PCTP: variants seen among roughly 807,000 people sequenced by gnomAD.
The protein encoded by PCTP is START domain-containing protein 2.
In PCTP, 27 loss-of-function variants were observed where a neutral mutation model predicts 31.0. That is an observed-to-expected ratio of 0.87 (90% CI 0.64 to 1.20). The LOEUF (loss-of-function observed/expected upper bound fraction) is 1.20, where lower values mean the gene tolerates loss of function less well. Among genes scored for constraint, PCTP ranks in the 50% most tolerant of loss-of-function variants. The pLI is 0.00. For missense variants in PCTP, 287 were observed against 268.2 expected (o/e 1.07, Z -0.49); for synonymous variants, 108 against 101.2 (o/e 1.07, Z -0.40).
chr17:55,756,404 GTCCAGAAAGGCCC>G (rs1910018353), intron 1 of PCTP, among the ~76,000 whole-genome samples: 1 of 152,212 alleles, frequency 6.6e-6, no homozygotes, highest in Admixed American at 6.5e-5. Context: ...AGATAAGGGA[GTCCAGAAAGGCCC>G]TCTGTGGAAG....
chr17:55,839,134 C>T (rs946550019), intron 5 of PCTP, among the ~76,000 whole-genome samples: 1 of 152,200 alleles, frequency 6.6e-6, no homozygotes, highest in Non-Finnish European at 1.5e-5. Context: ...TTTTAATCCT[C>T]TAGTAAAGAG....
downstream of PCTP, chr17:55,777,493 T>C (rs1911397207): frequency 7.5e-6 from 6 of 795,360 alleles, no homozygotes; most frequent in Non-Finnish European, 9.1e-6. Context: ...TAAAACATAA[T>C]TTTGGGCTTA....
chr17:55,779,003 C>G (rs1233108611), downstream of PCTP, among the ~76,000 whole-genome samples: 2 of 152,162 alleles, frequency 1.3e-5, no homozygotes, highest in Non-Finnish European at 2.9e-5. Context: ...ATCTATAATG[C>G]CTGCCCTTCC....
At chr17:55,813,578 G>T (rs1912822723) in intron 3 of PCTP, among the ~76,000 whole-genome samples, 1 of 152,190 alleles carries the variant, frequency 6.6e-6, no homozygotes, top group South Asian at 2.1e-4. Flanking sequence ...GCCTCCCAAG[G>T]TGCTGGGATT....
chr17:55,848,068 G>A, the PCTP span, among the ~76,000 whole-genome samples: 1 of 152,058 alleles, frequency 6.6e-6, no homozygotes, highest in African/African-American at 2.4e-5. Flanking sequence ...GACTACAGGT[G>A]CATGCCACCA....
At chr17:55,778,815 T>C (rs1347897388), downstream of PCTP, among the ~76,000 whole-genome samples, 1 of 152,216 alleles carries the variant, frequency 6.6e-6, no homozygotes, top group Non-Finnish European at 1.5e-5. Context: ...GTAGCACTAC[T>C]GTTGGTGGTA....
chr17:55,774,329 G>A (rs1366623403), intron 4 of PCTP, among the ~76,000 whole-genome samples: 1 of 152,152 alleles, frequency 6.6e-6, no homozygotes, highest in African/African-American at 2.4e-5. Flanking sequence ...CAGCCCCCAG[G>A]GAGGAAAGCT....
At chr17:55,773,252 A>C (rs1428051348) in intron 3 of PCTP, among the ~76,000 whole-genome samples, 2 of 152,192 alleles carry the variant, frequency 1.3e-5, no homozygotes, top group African/African-American at 4.8e-5. Context: ...GCCAGAACAA[A>C]GAGGAATGAC....
At chr17:55,821,665 T>C (rs1369192630) in intron 3 of PCTP, among the ~76,000 whole-genome samples, 1 of 152,206 alleles carries the variant, frequency 6.6e-6, no homozygotes, top group African/African-American at 2.4e-5. Flanking sequence ...TTTAGTTTTA[T>C]TTACAAAGGG....
At chr17:55,781,501 G>T (rs980644881), downstream of PCTP, among the ~76,000 whole-genome samples, 1 of 152,082 alleles carries the variant, frequency 6.6e-6, no homozygotes, top group Non-Finnish European at 1.5e-5. Context: ...ATTAGTCCAG[G>T]TTCTCCAGAT....
intron 1 of PCTP, among the ~76,000 whole-genome samples, chr17:55,756,140 C>T (rs1303663617): frequency 1.3e-5 from 2 of 152,174 alleles, no homozygotes; most frequent in Admixed American, 1.3e-4. Context: ...CATCAACTGC[C>T]TCCCATGTGC....
rs180894805 is a variant in PCTP, at chr17:55,776,108, A to G, written c.*8A>G. 3.6e-5 allele frequency: 58 copies of G among 1,613,902 alleles called. No individual in the cohort carries two copies. The highest frequency in any genetic ancestry group is 4.8e-5 in the Non-Finnish European group (57 of 1,179,914). ...TACCTCAAGAAAACCTAAGAAAGAGAACTGGGAACATTGCATCCATGGGTT... is the reference window on the plus strand; with the variant it reads ...TACCTCAAGAAAACCTAAGAAAGAGGACTGGGAACATTGCATCCATGGGTT... On this transcript the variant is annotated 3_prime_UTR_variant, in exon 6 of 6. Transcript: ENST00000268896.
intron 1 of PCTP, among the ~76,000 whole-genome samples, chr17:55,762,528 G>A (rs1031867265): frequency 1.3e-5 from 2 of 152,128 alleles, no homozygotes; most frequent in Middle Eastern, 6.8e-3. Context: ...GGACCACTAT[G>A]TCAATTAGGA....
At position 55,774,640 on chromosome 17, in the gene PCTP, C is replaced by T. The variant is rs1911205684; in HGVS notation, c.512-152C>T. 4 of 628,618 alleles carry T rather than the reference C, an allele frequency of 6.4e-6. No homozygotes were observed. In the South Asian group the frequency reaches 7.5e-5, roughly 12 times the overall value. The allele number at this position is 628,618 out of a possible 1,614,324, so 38.9% of individuals were successfully genotyped here. A position where few individuals can be genotyped will look rare whatever the true frequency, so the allele number is the denominator to read the frequency against. ...CCTATATTTAAGTATGCCATAAGGGCAGTCAATGGAGAGAAGTCCATCTGA... is the reference window on the plus strand; with the variant it reads ...CCTATATTTAAGTATGCCATAAGGGTAGTCAATGGAGAGAAGTCCATCTGA... On this transcript the variant is annotated intron_variant, in intron 4 of 5. Transcript: ENST00000268896.
intron 1 of PCTP, among the ~76,000 whole-genome samples, chr17:55,752,052 T>G (rs926391354): frequency 6.6e-6 from 1 of 152,240 alleles, no homozygotes; most frequent in Admixed American, 6.5e-5. Context: ...CATGCTCACC[T>G]GGTTAAACCC....
intron 5 of PCTP, among the ~76,000 whole-genome samples, chr17:55,831,845 G>T (rs1244931427): frequency 1.3e-5 from 2 of 152,082 alleles, no homozygotes; most frequent in Admixed American, 6.6e-5. Flanking sequence ...ACTTTGGGAG[G>T]CCAAGGCAGG....
At chr17:55,839,999 C>G (rs1714419449) in intron 5 of PCTP, among the ~76,000 whole-genome samples, 1 of 149,342 alleles carries the variant, frequency 6.7e-6, no homozygotes, top group Non-Finnish European at 1.5e-5. Flanking sequence ...TATTCCTGTC[C>G]TTAATTTAGT....
chr17:55,756,578 G>A (rs1318827105), intron 1 of PCTP, among the ~76,000 whole-genome samples: 1 of 152,156 alleles, frequency 6.6e-6, no homozygotes, highest in Non-Finnish European at 1.5e-5. Context: ...ACTGGTCTAG[G>A]GTGGGGCTTT....
At chr17:55,767,765 CTTTTTTTT>C (rs10634278) in intron 2 of PCTP, among the ~76,000 whole-genome samples, 9 of 103,496 alleles carry the variant, frequency 8.7e-5, no homozygotes, top group African/African-American at 2.2e-4. Flanking sequence ...GCACCCAGTG[CTTTTTTTT>C]TTTTTTTTTT....
Sources: gnomAD v4.1 joint callset for allele counts (sites outside exome capture counted in the v4.1 genomes callset) on GRCh38, gnomAD v4.1.1 for gene constraint, MANE v1.5 for transcripts, NCBI Gene and HGNC (gene_info 2026-07-23, HGNC 2026-07-21) for gene names.